ANK3: variants seen among roughly 807,000 people sequenced by gnomAD.
ANK3 encodes the protein ankyrin-3.
ANK3 carries 57 observed loss-of-function variants against 370.9 expected under a neutral mutation model. That is an observed-to-expected ratio of 0.15 (90% CI 0.12 to 0.19). ANK3 has a LOEUF of 0.19. ANK3 is among the 10% of genes least tolerant of loss of function. The probability of loss-of-function intolerance (pLI) is 1.00; values close to 1 mark genes in which losing one functional copy is unlikely to be tolerated. For missense variants in ANK3, 4,439 were observed against 5,302.1 expected, an observed-to-expected ratio of 0.84 and a Z score of 5.06; for synonymous variants, 1,929 against 1,946.3, an observed-to-expected ratio of 0.99 and a Z score of 0.23.
intron 1 of ANK3, among the ~76,000 whole-genome samples, chr10:60,717,148 G>A (rs1487937154): frequency 6.6e-6 from 1 of 152,000 alleles, no homozygotes; most frequent in Non-Finnish European, 1.5e-5. Flanking sequence ...CAATCACCCT[G>A]GCAAAGGTAA....
At chr10:60,363,875 C>A (rs150507105) in intron 1 of ANK3, among the ~76,000 whole-genome samples, 31 of 151,394 alleles carry the variant, frequency 2.0e-4, no homozygotes, top group African/African-American at 7.5e-4. Context: ...AGAAAAACAT[C>A]GTAAGTTTTT....
intron 4 of ANK3, among the ~76,000 whole-genome samples, chr10:60,271,980 A>C (rs1424967621): frequency 6.6e-6 from 1 of 151,564 alleles, no homozygotes; most frequent in Non-Finnish European, 1.5e-5. Flanking sequence ...TCTTCCTTTT[A>C]AATTGTCTAC....
At chr10:60,444,429 C>CGTGTGTGTGT (rs374472777) in intron 2 of ANK3, among the ~76,000 whole-genome samples, 76 of 148,106 alleles carry the variant, frequency 5.1e-4, no homozygotes, top group African/African-American at 1.8e-3. Flanking sequence ...ATATAACATA[C>CGTGTGTGTGT]GTGTGTGTGT....
In ANK3 at chr10:60,177,453, C is replaced by T. The variant is rs116965733; in HGVS notation, c.2184+3876G>A. On this transcript the variant is annotated intron_variant, in intron 18 of 43. Transcript: ENST00000280772. ...AATAGGAAACTCATAGTCCTCTTTC[C>T]CCAGCTGGCTTTGTCTCTCCTTTAT... Among the ~76,000 whole-genome samples the T allele has an allele frequency of 7.5e-3, 1,144 of 152,168 alleles. 6 individuals carry two copies. The highest frequency in any genetic ancestry group is 0.012 in the Non-Finnish European group (823 of 67,998).
At chr10:60,710,986 A>G (rs183856386) in intron 1 of ANK3, among the ~76,000 whole-genome samples, 112 of 152,354 alleles carry the variant, frequency 7.4e-4, no homozygotes, top group Non-Finnish European at 1.3e-3. Context: ...AGGGCCAGCT[A>G]CTTTACTAGG....
At chr10:60,448,493 G>A (rs2064510747) in intron 2 of ANK3, among the ~76,000 whole-genome samples, 2 of 152,174 alleles carry the variant, frequency 1.3e-5, no homozygotes, top group South Asian at 4.1e-4. Context: ...ACATTTATTG[G>A]TGCTCCATTT....
intron 1 of ANK3, among the ~76,000 whole-genome samples, chr10:60,702,265 CAAAA>C (rs5785462): frequency 1.6e-5 from 2 of 128,922 alleles, no homozygotes; most frequent in Non-Finnish European, 3.3e-5. Context: ...GACCCTGTCT[CAAAA>C]AAAAAAAAAA....
At chr10:60,437,813 A>G (rs190075836) in intron 2 of ANK3, among the ~76,000 whole-genome samples, 7 of 152,274 alleles carry the variant, frequency 4.6e-5, no homozygotes, top group Admixed American at 3.3e-4. Flanking sequence ...GAAGAAACAG[A>G]CTTAAAAGGA....
At chr10:60,187,435 G>A (rs1353769496) in intron 16 of ANK3, among the ~76,000 whole-genome samples, 10 of 152,164 alleles carry the variant, frequency 6.6e-5, no homozygotes, top group South Asian at 2.1e-4. Context: ...GATTACAGGC[G>A]TGAGTCACTG....
chr10:60,687,214 G>A (rs555340501), intron 1 of ANK3, among the ~76,000 whole-genome samples: 6 of 152,148 alleles, frequency 3.9e-5, no homozygotes, highest in South Asian at 2.1e-4. Context: ...TGTATATATC[G>A]CAGTCCATCC....
At chr10:60,507,339 T>A (rs907187563) in intron 2 of ANK3, among the ~76,000 whole-genome samples, 1 of 152,042 alleles carries the variant, frequency 6.6e-6, no homozygotes, top group African/African-American at 2.4e-5. Flanking sequence ...CATATTCACT[T>A]AGAAAAAAAT....
At chr10:60,199,978 T>C in intron 13 of ANK3, 151 bp downstream of exon 13, 1 of 613,818 alleles carries the variant, frequency 1.6e-6, no homozygotes, top group South Asian at 2.0e-5. Flanking sequence ...AGGGATTTTT[T>C]ACAATGTTAC....
At chr10:60,254,934 C>A (rs1365553671) in intron 7 of ANK3, among the ~76,000 whole-genome samples, 1 of 152,106 alleles carries the variant, frequency 6.6e-6, no homozygotes, top group Non-Finnish European at 1.5e-5. Context: ...GAGTCCCTCC[C>A]AGCACCAGGT....
intron 1 of ANK3, among the ~76,000 whole-genome samples, chr10:60,291,263 G>T (rs557736349): frequency 6.6e-6 from 1 of 152,236 alleles, no homozygotes; most frequent in South Asian, 2.1e-4. Flanking sequence ...AGTTTCACTT[G>T]TCTCTTAGAG....
At chr10:60,418,561 CATA>C (rs546642874) in intron 2 of ANK3, among the ~76,000 whole-genome samples, 152 of 151,982 alleles carry the variant, frequency 1.0e-3, no homozygotes, top group Admixed American at 2.5e-3. Context: ...AATCTAACAA[CATA>C]ATAATAATAT....
intron 7 of ANK3, among the ~76,000 whole-genome samples, chr10:60,257,299 T>G (rs1400725498): frequency 6.6e-6 from 1 of 152,180 alleles, no homozygotes; most frequent in Non-Finnish European, 1.5e-5. Flanking sequence ...GGCAGCCCAA[T>G]GGACATGTTA....
intron 2 of ANK3, among the ~76,000 whole-genome samples, chr10:60,571,980 A>T (rs1342673229): frequency 6.6e-6 from 1 of 152,228 alleles, no homozygotes; most frequent in African/African-American, 2.4e-5. Flanking sequence ...CCATAAAGTG[A>T]TCAATAATTA....
intron 4 of ANK3, among the ~76,000 whole-genome samples, chr10:60,273,773 T>C (rs933015324): frequency 6.6e-6 from 1 of 152,176 alleles, no homozygotes. Context: ...TGGTAGTGAA[T>C]AAGTCTCATA....
Position 60,726,583 on chromosome 10 carries a change from A to T in ANK3, c.57+6680T>A, listed in dbSNP as rs560395455. Among the ~76,000 whole-genome samples, 7 of 152,326 alleles carry T rather than the reference A, an allele frequency of 4.6e-5. No individual in the cohort carries two copies. The South Asian group carries it at 1.2e-3, about 27-fold the overall frequency. On this transcript the variant is annotated intron_variant, in intron 1 of 43. Coordinates refer to the ANK3 transcript ENST00000373827. ...AGTTTACCAAGGTCATGCAGTTGCT[A>T]CACCAGTAAAATCCAGACTAAAACA...
Sources: allele counts gnomAD v4.1 joint callset (sites outside exome capture counted in the v4.1 genomes callset), GRCh38; gene constraint gnomAD v4.1.1; transcripts MANE v1.5; gene names NCBI Gene and HGNC (gene_info 2026-07-23, HGNC 2026-07-21).